HTR1E: variants seen among roughly 807,000 people sequenced by gnomAD.
The protein encoded by HTR1E is 5-hydroxytryptamine receptor 1E, also known as 5-HT-1E.
HTR1E carries 3 observed loss-of-function variants against 3.4 expected under a neutral mutation model. That is an observed-to-expected ratio of 0.89 (90% CI 0.41 to 2.31). The LOEUF (loss-of-function observed/expected upper bound fraction) is 2.31, where lower values mean the gene tolerates loss of function less well. Ranked by LOEUF, HTR1E falls within the 30% of genes most tolerant of loss-of-function variation. The pLI is 0.05. For synonymous variants in HTR1E, 170 were observed against 182.8 expected (o/e 0.93, Z 0.56); for missense variants, 392 against 467.0 (o/e 0.84, Z 1.48).
At chr6:86,966,063 T>C in intron 1 of HTR1E, among the ~76,000 whole-genome samples, 1 of 152,220 alleles carries the variant, frequency 6.6e-6, no homozygotes, top group East Asian at 1.9e-4. Flanking sequence ...TCTTCCCCTA[T>C]ATCTAAGTTG....
Position 87,010,300 on chromosome 6 carries a change from G to A in HTR1E, c.-185-4850G>A, listed in dbSNP as rs1349748441. On this transcript the variant is annotated intron_variant, in intron 1 of 1. Transcript: ENST00000305344. ...CCCTCACCTCCCGGACGGGGCGGCT[G>A]GCCGGGCGGGGGGGCTGACCCCCCC... Among the ~76,000 whole-genome samples the A allele has an allele frequency of 9.9e-5, 11 of 110,602 alleles. 1 individual carries two copies. Among genetic ancestry groups the A allele is most frequent in the Non-Finnish European group, 1.8e-4 (10 of 56,488 alleles). 72.6% of individuals were successfully genotyped at this position (110,602 alleles called of 152,430 possible).
In HTR1E at chr6:87,016,235, A is replaced by G; in HGVS notation, c.901A>G (p.Ile301Val). The G allele has an allele frequency of 6.2e-7, 1 of 1,614,086 alleles. No homozygotes were observed. The highest frequency in any genetic ancestry group is 8.5e-7 in the Non-Finnish European group (1 of 1,179,984). ...CCTGGGGCTGATTCTGGGTGCATTC[A>G]TTTTATCCTGGCTGCCATTTTTCAT... ...RILGLILGAFILSWLPFFIKE... is the reference protein window; with the variant it reads ...RILGLILGAFVLSWLPFFIKE... The change falls in exon 2 of 2, where the codon ATT becomes GTT. Residue 301 changes from isoleucine to valine, a missense_variant. Physicochemically the swap from Ile to Val is conservative, Grantham distance 29 (BLOSUM62 3). Around this residue, in one of 3 missense-constraint regions of HTR1E, gnomAD observed 178 missense variants for 164.9 expected, o/e 1.08. Coordinates refer to ENST00000305344, the MANE Select transcript of HTR1E (RefSeq NM_000865.3).
chr6:86,957,893 T>C (rs1354867668), intron 1 of HTR1E, among the ~76,000 whole-genome samples: 1 of 151,952 alleles, frequency 6.6e-6, no homozygotes, highest in Non-Finnish European at 1.5e-5. Context: ...CTATGGAAGG[T>C]GAGTGGAGTG....
Position 87,016,124 on chromosome 6 carries a change from A to C in HTR1E, c.790A>C (p.Arg264=), listed in dbSNP as rs374233244. ...TEFEKFHASI[R]IPPFDNDLDH... ...GTTTGAAAAGTTCCATGCCTCCATC[A>C]GGATCCCCCCCTTCGACAATGATCT... Residue 264 remains arginine, a synonymous_variant, in exon 2 of 2, where the codon AGG becomes CGG. Coordinates refer to ENST00000305344, the MANE Select transcript of HTR1E (RefSeq NM_000865.3). 5 of 1,614,076 alleles carry C rather than the reference A, an allele frequency of 3.1e-6. No homozygotes were observed. The African/African-American group carries it at 6.7e-5, about 22-fold the overall frequency.
intron 1 of HTR1E, chr6:86,970,723 C>A: frequency 1.1e-5 from 2 of 182,240 alleles, no homozygotes; most frequent in South Asian, 2.4e-4. Context: ...TGGCATTTGT[C>A]ATCAGGATCA....
intron 1 of HTR1E, among the ~76,000 whole-genome samples, chr6:86,951,428 T>G (rs2127817912): frequency 6.6e-6 from 1 of 152,358 alleles, no homozygotes; most frequent in South Asian, 2.1e-4. Context: ...ACTTTCAAAC[T>G]AGACTTCTGA....
In HTR1E at chr6:87,015,665, C is replaced by G. The variant is rs139568934; in HGVS notation, c.331C>G (p.Leu111Val). Reference protein sequence around the residue: ...VDMTCCTCSILHLCVIALDRY... With the variant: ...VDMTCCTCSIVHLCVIALDRY... ...CATGACCTGCTGCACCTGCTCCATC[C>G]TCCACCTCTGTGTCATTGCCCTGGA... Residue 111 changes from leucine to valine, a missense_variant, in exon 2 of 2, where the codon CTC (leucine) becomes GTC (valine). Physicochemically the swap from Leu to Val is conservative, Grantham distance 32 (BLOSUM62 1). Transcript: ENST00000305344. The G allele has an allele frequency of 4.6e-5, 75 of 1,614,092 alleles. No homozygotes were observed. The highest frequency in any genetic ancestry group is 5.5e-5 in the Non-Finnish European group (65 of 1,180,048).
At chr6:86,960,335 CATT>C (rs2127820173) in intron 1 of HTR1E, among the ~76,000 whole-genome samples, 1 of 152,304 alleles carries the variant, frequency 6.6e-6, no homozygotes, top group East Asian at 1.9e-4. Flanking sequence ...TTTATACTGA[CATT>C]AATCCATTCA....
chr6:87,002,438 C>G (rs577648064), intron 1 of HTR1E, among the ~76,000 whole-genome samples: 1 of 152,348 alleles, frequency 6.6e-6, no homozygotes, highest in South Asian at 2.1e-4. Flanking sequence ...CCACTGCTGG[C>G]TCGGGTGGCC....
At chr6:86,959,780 T>C (rs555145057) in intron 1 of HTR1E, among the ~76,000 whole-genome samples, 2 of 152,304 alleles carry the variant, frequency 1.3e-5, no homozygotes, top group African/African-American at 4.8e-5. Flanking sequence ...TCCTCTTTTA[T>C]GCAAGTATCA....
chr6:86,946,878 A>G (rs1768624071), intron 1 of HTR1E, among the ~76,000 whole-genome samples: 1 of 152,192 alleles, frequency 6.6e-6, no homozygotes, highest in African/African-American at 2.4e-5. Flanking sequence ...GTACTTTGGG[A>G]AGCCAAGACA....
intron 1 of HTR1E, among the ~76,000 whole-genome samples, chr6:87,004,854 C>CA (rs1768079066): frequency 6.6e-6 from 1 of 151,954 alleles, no homozygotes; most frequent in African/African-American, 2.4e-5. Flanking sequence ...AATACTGCAC[C>CA]AAAAAACTAT....
intron 1 of HTR1E, among the ~76,000 whole-genome samples, chr6:86,949,113 T>C (rs909125803): frequency 6.6e-6 from 1 of 152,206 alleles, no homozygotes; most frequent in Non-Finnish European, 1.5e-5. Flanking sequence ...ATTTTTACCC[T>C]CTCAATTGAT....
At chr6:86,995,060 A>C (rs77026849) in intron 1 of HTR1E, among the ~76,000 whole-genome samples, 2,735 of 152,228 alleles carry the variant, frequency 0.018, 85 homozygotes, top group African/African-American at 0.061. Flanking sequence ...TGAGAGAAAT[A>C]AACAGAAAAA....
At chr6:86,946,509 A>G (rs1195863442) in intron 1 of HTR1E, among the ~76,000 whole-genome samples, 1 of 152,224 alleles carries the variant, frequency 6.6e-6, no homozygotes, top group African/African-American at 2.4e-5. Context: ...ATGGCCTAAC[A>G]ATGCATTTCT....
At chr6:87,000,823 A>T (rs972905946) in intron 1 of HTR1E, among the ~76,000 whole-genome samples, 10 of 152,214 alleles carry the variant, frequency 6.6e-5, no homozygotes, top group Non-Finnish European at 1.3e-4. Context: ...ATGCACTGGA[A>T]ATAGTACACA....
chr6:86,951,205 G>A (rs1389603193), intron 1 of HTR1E, among the ~76,000 whole-genome samples: 1 of 152,006 alleles, frequency 6.6e-6, no homozygotes, highest in Admixed American at 6.6e-5. Flanking sequence ...TCACTAATAC[G>A]GATAATTTCT....
chr6:86,952,035 T>A (rs1767252435), intron 1 of HTR1E, among the ~76,000 whole-genome samples: 1 of 152,230 alleles, frequency 6.6e-6, no homozygotes. Context: ...GATGCCTACT[T>A]TAAATTATCC....
chr6:86,941,401 T>A (rs1054996157), intron 1 of HTR1E, among the ~76,000 whole-genome samples: 1 of 152,248 alleles, frequency 6.6e-6, no homozygotes, highest in Non-Finnish European at 1.5e-5. Context: ...GCACTGTGGA[T>A]TATCTGGTTT....
Sources: allele counts gnomAD v4.1 joint callset (sites outside exome capture counted in the v4.1 genomes callset), GRCh38; gene constraint gnomAD v4.1.1; regional missense constraint gnomAD v4.1.1; transcripts MANE v1.5; gene names NCBI Gene and HGNC (gene_info 2026-07-23, HGNC 2026-07-21).